CD163: variants seen among roughly 807,000 people sequenced by gnomAD.
CD163 encodes CD163 molecule.
CD163 carries 64 observed loss-of-function variants against 129.2 expected under a neutral mutation model. That is an observed-to-expected ratio of 0.50 (90% confidence interval 0.41 to 0.61). The LOEUF is 0.61. CD163 is among the 20% of genes least tolerant of loss of function. CD163 has a pLI of 0.00. For missense variants in CD163, 1,061 were observed against 1,377.9 expected, an observed-to-expected ratio of 0.77 and a Z score of 3.64; for synonymous variants, 446 against 478.5, an observed-to-expected ratio of 0.93 and a Z score of 0.89.
chr12:7,490,760 C>A (rs1170896171), intron 6 of CD163, among the ~76,000 whole-genome samples: 5 of 152,002 alleles, frequency 3.3e-5, no homozygotes, highest in African/African-American at 1.2e-4. Context: ...TAGAATACCT[C>A]AACATGTCAA....
At chr12:7,493,493 A>G (rs778383044) in intron 6 of CD163, among the ~76,000 whole-genome samples, 1 of 152,220 alleles carries the variant, frequency 6.6e-6, no homozygotes, top group Admixed American at 6.5e-5. Flanking sequence ...TAAACTGCTT[A>G]TCTATTTGAC....
chr12:7,487,963 T>A lies in CD163; in HGVS notation c.1545A>T (p.Leu515=), dbSNP rs200789023. The A allele has an allele frequency of 1.2e-6, 2 of 1,614,128 alleles. No homozygotes were observed. Among genetic ancestry groups the A allele is most frequent in the East Asian group, 4.5e-5 (2 of 44,862 alleles). The change falls in exon 7 of 17, where the codon CTA becomes CTT. Residue 515 remains leucine (L), a synonymous_variant. Transcript: ENST00000432237. This position sits in a 1 kb window ranked among gnomAD's most constrained non-coding sequence, Gnocchi z 5.1. ...SDFSLEAASV[L]CRELQCGTVV... ...CTGTGCCACACTGTAATTCCCTGCATAGAACGCTGGCAGCTTCCAGAGAGA... is the reference window on the plus strand; with the variant it reads ...CTGTGCCACACTGTAATTCCCTGCAAAGAACGCTGGCAGCTTCCAGAGAGA...
Position 7,489,075 on chromosome 12 carries a change from T to A in CD163, c.1421-988A>T, listed in dbSNP as rs138071706. Among the ~76,000 whole-genome samples the A allele has an allele frequency of 7.0e-3, 1,067 of 152,068 alleles. 11 individuals carry two copies. Among genetic ancestry groups the A allele is most frequent in the African/African-American group, 0.024 (991 of 41,492 alleles). On this transcript the variant is annotated intron_variant, in intron 6 of 16. Transcript: ENST00000432237. ...ACAGGGAATCTGAAACATAGAGAGG[T>A]GAGGTGTAGTAATTTGCTAAGGTCA...
chr12:7,492,860 A>G (rs1949344493), intron 6 of CD163, among the ~76,000 whole-genome samples: 1 of 152,194 alleles, frequency 6.6e-6, no homozygotes, highest in Non-Finnish European at 1.5e-5. Context: ...AGAAGATAAA[A>G]TTGATACTCC....
intron 16 of CD163, among the ~76,000 whole-genome samples, chr12:7,479,408 A>G (rs1403392235): frequency 6.6e-6 from 1 of 152,038 alleles, no homozygotes; most frequent in Non-Finnish European, 1.5e-5. Context: ...TTTCTTTGGA[A>G]CTGTCTATTT....
intron 3 of CD163, 53 bp from the exon 4 acceptor site, chr12:7,499,241 T>C: frequency 6.7e-7 from 1 of 1,489,516 alleles, no homozygotes; most frequent in South Asian, 1.3e-5. Flanking sequence ...TAGAAGTGAT[T>C]TTAGAAAAGA....
intron 4 of CD163, 31 bp from the exon 5 acceptor site, chr12:7,497,164 T>C (rs1949414440): frequency 2.5e-6 from 4 of 1,570,162 alleles, no homozygotes; most frequent in African/African-American, 1.4e-5. Context: ...AGGTCTGCGA[T>C]AAGGAAGCAA....
At position 7,502,637 on chromosome 12, in the gene CD163, A is replaced by G. The variant is rs775750942; in HGVS notation, c.47-73T>C. On this transcript the variant is annotated intron_variant, in intron 1 of 16. Transcript: ENST00000432237. ...CTTTGGAGAAGATAGATGGTTTCAGAGGTTAATTAACAAAGAAGCTCAAAC... is the reference window on the plus strand; with the variant it reads ...CTTTGGAGAAGATAGATGGTTTCAGGGGTTAATTAACAAAGAAGCTCAAAC... The G allele has an allele frequency of 1.0e-4, 82 of 793,470 alleles. 1 individual carries two copies. The highest frequency in any genetic ancestry group is 2.7e-4 in the Admixed American group (12 of 44,704). 49.2% of individuals were successfully genotyped at this position (793,470 alleles called of 1,614,324 possible). A position where few individuals can be genotyped will look rare whatever the true frequency, so the allele number is the denominator to read the frequency against.
At chr12:7,481,588 G>A (rs772890774) in intron 14 of CD163, among the ~76,000 whole-genome samples, 1 of 152,070 alleles carries the variant, frequency 6.6e-6, no homozygotes, top group African/African-American at 2.4e-5. Flanking sequence ...ATATGTTATA[G>A]TACTTTTCAT....
At chr12:7,477,969 A>G (rs1056646914) in intron 16 of CD163, among the ~76,000 whole-genome samples, 2 of 152,178 alleles carry the variant, frequency 1.3e-5, no homozygotes, top group African/African-American at 4.8e-5. Context: ...ATATGAATGC[A>G]TAATTTTATA....
At chr12:7,493,916 G>A (rs1000101139) in intron 6 of CD163, among the ~76,000 whole-genome samples, 3 of 151,932 alleles carry the variant, frequency 2.0e-5, no homozygotes, top group Non-Finnish European at 2.9e-5. Context: ...GAATACACAC[G>A]GTAATAAATT....
Position 7,488,086 on chromosome 12 carries a change from G to C in CD163, c.1422C>G (p.Ala474=). Residue 474 remains alanine (A), a splice_region_variant and synonymous_variant, in exon 7 of 17, where the codon GCC becomes GCG. Transcript: ENST00000432237. ...CTCCAACCAGTCTGGGTTCCCTGTG[G>C]GCTGAAAAATAAATATTATTTCAGT... ...HYEEAKITCS[A]HREPRLVGGD... is the part of the protein sequence containing the mutation. 2 of 1,601,968 alleles carry C rather than the reference G, an allele frequency of 1.2e-6. No individual in the cohort carries two copies. Among genetic ancestry groups the C allele is most frequent in the Non-Finnish European group, 1.7e-6 (2 of 1,174,788 alleles).
Position 7,485,041 on chromosome 12 carries a change from A to G in CD163, c.2779+55T>C. 3 of 1,423,008 alleles carry G rather than the reference A, an allele frequency of 2.1e-6. No homozygotes were observed. Among genetic ancestry groups the G allele is most frequent in the Non-Finnish European group, 2.9e-6 (3 of 1,048,900 alleles). 88.1% of individuals were successfully genotyped at this position (1,423,008 alleles called of 1,614,324 possible). A position where few individuals can be genotyped will look rare whatever the true frequency, so the allele number is the denominator to read the frequency against. On this transcript the variant is annotated intron_variant, in intron 11 of 16. Transcript: ENST00000432237. This position sits in a 1 kb window ranked among gnomAD's most constrained non-coding sequence, Gnocchi z 4.5. Reference sequence around the variant, plus strand: ...AATAAAATCCAGTGTCCATTATCAGAAGATGATAGCGGGGCTGCAGAATGG... The same window carrying G: ...AATAAAATCCAGTGTCCATTATCAGGAGATGATAGCGGGGCTGCAGAATGG...
chr12:7,490,514 A>T (rs1463503988), intron 6 of CD163, among the ~76,000 whole-genome samples: 1 of 151,992 alleles, frequency 6.6e-6, no homozygotes, highest in East Asian at 1.9e-4. Flanking sequence ...AAATAAAGAA[A>T]ATGCAGTTGA....
At position 7,488,076 on chromosome 12, in the gene CD163, G is replaced by A. The variant is rs1949281384; in HGVS notation, c.1432C>T (p.Pro478Ser). The change falls in exon 7 of 17, where the codon CCC becomes TCC. Residue 478 changes from proline to serine, a missense_variant. Transcript: ENST00000432237. Reference protein sequence around the residue: ...AKITCSAHREPRLVGGDIPCS... With the variant: ...AKITCSAHRESRLVGGDIPCS... ...GGAATGTCCCCTCCAACCAGTCTGG[G>A]TTCCCTGTGGGCTGAAAAATAAATA... The A allele has an allele frequency of 6.2e-7, 1 of 1,610,308 alleles. No homozygotes were observed. Among genetic ancestry groups the A allele is most frequent in the Non-Finnish European group, 8.5e-7 (1 of 1,178,488 alleles).
chr12:7,496,825 C>T lies in CD163; in HGVS notation c.1087G>A (p.Val363Met), dbSNP rs747933046. Residue 363 changes from valine (V) to methionine (M), a missense_variant, in exon 5 of 17, where the codon GTG becomes ATG. Transcript: ENST00000432237. This position sits in a 1 kb window ranked among gnomAD's most constrained non-coding sequence, Gnocchi z 4.8. ...HYCNHNEDAG[V>M]TCSDGSDLEL... is the part of the protein sequence containing the mutation. ...GGTTTTAACTTACCAGAACATGTCA[C>T]GCCAGCATCTTCATTGTGATTGCAA... The T allele has an allele frequency of 6.8e-6, 11 of 1,613,856 alleles. No homozygotes were observed. The highest frequency in any genetic ancestry group is 5.3e-5 in the African/African-American group (4 of 74,914).
chr12:7,486,182 T>C (rs935533073), intron 10 of CD163, among the ~76,000 whole-genome samples: 2 of 152,212 alleles, frequency 1.3e-5, no homozygotes, highest in African/African-American at 4.8e-5. Flanking sequence ...ACTAATACTG[T>C]AATTATCAAG....
rs780870141 is a variant in CD163, at chr12:7,496,794, T to C, written c.1099+19A>G. The stretch of plus-strand genomic sequence containing the variant: ...TTCTTTTTGTTTAGTGTTTTGGTTT[T>C]GGTTTGGTTTTAACTTACCAGAACA... On this transcript the variant is annotated intron_variant, in intron 5 of 16. Coordinates refer to ENST00000432237, the MANE Select transcript of CD163 (RefSeq NM_203416.4). This position sits in a 1 kb window ranked among gnomAD's most constrained non-coding sequence, Gnocchi z 4.8. 6.2e-7 allele frequency: 1 copy of C among 1,611,164 alleles called. No homozygotes were observed. The highest frequency in any genetic ancestry group is 2.2e-5 in the East Asian group (1 of 44,868).
chr12:7,502,610 G>A (rs1949508876), intron 1 of CD163, 46 bp from the exon 2 acceptor site: 1 of 973,866 alleles, frequency 1.0e-6, no homozygotes, highest in South Asian at 1.4e-5. Context: ...CCCAAAAAGA[G>A]ACTTTGGAGA....
Sources: gnomAD v4.1 joint callset for allele counts (sites outside exome capture counted in the v4.1 genomes callset) on GRCh38, gnomAD v4.1.1 for gene constraint, Gnocchi (gnomAD v3.1) non-coding constraint, MANE v1.5 for transcripts, NCBI Gene and HGNC (gene_info 2026-07-23, HGNC 2026-07-21) for gene names.